The following ROBO2 variants were observed in gnomAD, a reference collection of about 807,000 sequenced individuals.
The protein encoded by ROBO2 is roundabout guidance receptor 2, also known as roundabout homolog 2.
In ROBO2, 53 loss-of-function variants were observed where a neutral mutation model predicts 160.8. That is an observed-to-expected ratio of 0.33 (90% CI 0.26 to 0.41). The LOEUF is 0.41. Ranked by LOEUF, ROBO2 falls within the 10% of genes least tolerant of loss-of-function variation. The pLI is 1.00. For missense variants in ROBO2, 1,577 were observed against 1,722.4 expected (o/e 0.92, Z 1.49); for synonymous variants, 664 against 611.7 (o/e 1.09, Z -1.26).
intron 2 of ROBO2, among the ~76,000 whole-genome samples, chr3:76,165,173 C>T (rs1049456795): frequency 1.3e-5 from 2 of 152,150 alleles, no homozygotes; most frequent in African/African-American, 4.8e-5. Context: ...GCTGTTTTGT[C>T]TCCATTGAAA....
At chr3:76,492,468 C>T (rs548264389) in intron 2 of ROBO2, among the ~76,000 whole-genome samples, 2 of 152,114 alleles carry the variant, frequency 1.3e-5, no homozygotes, top group South Asian at 2.1e-4. Flanking sequence ...TCCTTCACTT[C>T]CGGTTTCCAG....
intron 2 of ROBO2, among the ~76,000 whole-genome samples, chr3:76,917,284 A>C (rs774531204): frequency 6.6e-6 from 1 of 152,166 alleles, no homozygotes; most frequent in African/African-American, 2.4e-5. Flanking sequence ...TTTCAGCAAG[A>C]GTGATTTCTT....
chr3:77,214,299 C>T (rs546798801), intron 2 of ROBO2, among the ~76,000 whole-genome samples: 1 of 152,254 alleles, frequency 6.6e-6, no homozygotes, highest in African/African-American at 2.4e-5. Flanking sequence ...ACAGTTAGCT[C>T]TTCTTGTTGA....
intron 2 of ROBO2, among the ~76,000 whole-genome samples, chr3:76,371,891 T>C (rs950422580): frequency 1.3e-5 from 2 of 151,852 alleles, no homozygotes; most frequent in African/African-American, 4.8e-5. Context: ...CACTAAAGAA[T>C]AAAGCAATAA....
chr3:77,286,312 A>G (rs962584543), intron 2 of ROBO2, among the ~76,000 whole-genome samples: 2 of 138,722 alleles, frequency 1.4e-5, no homozygotes, highest in Non-Finnish European at 3.0e-5. Flanking sequence ...GCTGGAGTAT[A>G]TTGGCGTGAT....
At chr3:76,718,486 G>A (rs898612259) in intron 2 of ROBO2, among the ~76,000 whole-genome samples, 7 of 152,096 alleles carry the variant, frequency 4.6e-5, no homozygotes, top group African/African-American at 1.7e-4. Flanking sequence ...CCCTTTCTTA[G>A]TTGAAAGATA....
intron 2 of ROBO2, among the ~76,000 whole-genome samples, chr3:76,658,491 C>T (rs977651958): frequency 2.0e-5 from 3 of 152,174 alleles, no homozygotes; most frequent in South Asian, 4.1e-4. Flanking sequence ...CCCCTAGCCT[C>T]GCACCCCGCA....
chr3:76,925,223 A>ATAAAT (rs551812331), intron 2 of ROBO2, among the ~76,000 whole-genome samples: 4,271 of 89,334 alleles, frequency 0.048, 197 homozygotes, highest in African/African-American at 0.16. Context: ...AAAAAAAAAA[A>ATAAAT]AAAAAAAATC....
chr3:76,309,746 G>A (rs1057001987), intron 2 of ROBO2, among the ~76,000 whole-genome samples: 6 of 151,952 alleles, frequency 3.9e-5, no homozygotes, highest in African/African-American at 9.7e-5. Context: ...CATGTAGACA[G>A]ATTTAAAATA....
intron 2 of ROBO2, among the ~76,000 whole-genome samples, chr3:75,949,569 A>G (rs1208989427): frequency 6.6e-6 from 1 of 152,008 alleles, no homozygotes; most frequent in Non-Finnish European, 1.5e-5. Context: ...TTCCTTAAAC[A>G]TTACATTGCC....
Position 76,511,518 on chromosome 3 carries a change from G to C in ROBO2, c.109+573916G>C, listed in dbSNP as rs139290791. 1.8e-4 allele frequency among the ~76,000 whole-genome samples: 28 copies of C among 152,204 alleles called. No individual in the cohort carries two copies. The East Asian group carries it at 5.0e-3, about 27-fold the overall frequency. On this transcript the variant is annotated intron_variant, in intron 2 of 26. Coordinates refer to the ROBO2 transcript ENST00000487694. ...TGTGGCTTTATTAATACAACCATGTGACCAGGATATCTTTAGATCAAATAA... is the reference window on the plus strand; with the variant it reads ...TGTGGCTTTATTAATACAACCATGTCACCAGGATATCTTTAGATCAAATAA...
intron 2 of ROBO2, among the ~76,000 whole-genome samples, chr3:76,170,702 T>G (rs2073008201): frequency 6.6e-6 from 1 of 152,186 alleles, no homozygotes; most frequent in Non-Finnish European, 1.5e-5. Flanking sequence ...ATAGAATTGC[T>G]GTAAAGAATG....
At chr3:77,058,864 T>G (rs2066014567) in intron 1 of ROBO2, among the ~76,000 whole-genome samples, 1 of 152,052 alleles carries the variant, frequency 6.6e-6, no homozygotes, top group Admixed American at 6.6e-5. Context: ...TGCATGTTGT[T>G]TTACTATTTC....
intron 2 of ROBO2, among the ~76,000 whole-genome samples, chr3:77,324,585 C>T (rs185672465): frequency 4.6e-5 from 7 of 152,100 alleles, no homozygotes; most frequent in Admixed American, 3.9e-4. Flanking sequence ...CGAGACTATC[C>T]TGGCTAACAC....
chr3:76,361,275 G>A (rs1317500629), intron 2 of ROBO2, among the ~76,000 whole-genome samples: 1 of 152,008 alleles, frequency 6.6e-6, no homozygotes. Flanking sequence ...TGGAAGATTT[G>A]TGGAGGACTC....
intron 24 of ROBO2, among the ~76,000 whole-genome samples, chr3:77,643,785 C>A (rs1322483781): frequency 6.6e-6 from 1 of 152,076 alleles, no homozygotes; most frequent in Admixed American, 6.6e-5. Context: ...ACTTGGTGCT[C>A]AAGTTTTTGG....
chr3:76,866,192 A>G (rs2071355199), intron 2 of ROBO2, among the ~76,000 whole-genome samples: 1 of 152,158 alleles, frequency 6.6e-6, no homozygotes, highest in Non-Finnish European at 1.5e-5. Context: ...ACTACTCCGT[A>G]TGGACAAGTA....
chr3:77,508,386 T>C (rs1345889922), intron 5 of ROBO2, among the ~76,000 whole-genome samples: 1 of 148,168 alleles, frequency 6.7e-6, no homozygotes, highest in African/African-American at 2.4e-5. Flanking sequence ...AGCTATATAG[T>C]GAAAGCATTA....
intron 2 of ROBO2, among the ~76,000 whole-genome samples, chr3:76,146,987 G>A (rs2071933069): frequency 6.6e-6 from 1 of 151,110 alleles, no homozygotes; most frequent in Non-Finnish European, 1.5e-5. Flanking sequence ...GAGATTGGGA[G>A]GTGGGAGAAG....
Sources: gnomAD v4.1 joint callset for allele counts (sites outside exome capture counted in the v4.1 genomes callset) on GRCh38, gnomAD v4.1.1 for gene constraint, MANE v1.5 for transcripts, NCBI Gene and HGNC (gene_info 2026-07-23, HGNC 2026-07-21) for gene names.